MMP20: variants seen among roughly 807,000 people sequenced by gnomAD.
The protein encoded by MMP20 is matrix metalloproteinase-20.
In MMP20, 50 loss-of-function variants were observed where a neutral mutation model predicts 51.8. The ratio of observed to expected loss-of-function variants is 0.97; its 90% confidence interval spans 0.77 to 1.22. The LOEUF is 1.22. Among genes scored for constraint, MMP20 ranks in the 50% most tolerant of loss-of-function variants. MMP20 has a pLI of 0.00. For missense variants in MMP20, 663 were observed against 601.4 expected (o/e 1.10, Z -1.07); for synonymous variants, 244 against 216.2 (o/e 1.13, Z -1.13).
intron 8 of MMP20, among the ~76,000 whole-genome samples, chr11:102,582,346 A>G (rs892799819): frequency 1.3e-5 from 2 of 152,240 alleles, no homozygotes; most frequent in Non-Finnish European, 2.9e-5. Context: ...ATGCTTAAAG[A>G]GAATGCAAGA....
chr11:102,625,138 C>T (rs770172159), intron 1 of MMP20, 56 bp downstream of exon 1: 37 of 1,608,616 alleles, frequency 2.3e-5, no homozygotes, highest in Non-Finnish European at 3.0e-5. Flanking sequence ...TCACTATGCC[C>T]TTTTAGGTTT....
At chr11:102,609,660 G>A (rs554961481) in intron 4 of MMP20, among the ~76,000 whole-genome samples, 16 of 152,170 alleles carry the variant, frequency 1.1e-4, no homozygotes, top group East Asian at 1.9e-4. Flanking sequence ...AGAGCAGTGC[G>A]TTGAGAAGGG....
At chr11:102,610,862 C>A (rs1016189168) in intron 3 of MMP20, among the ~76,000 whole-genome samples, 1 of 151,888 alleles carries the variant, frequency 6.6e-6, no homozygotes, top group Non-Finnish European at 1.5e-5. Context: ...GGACTTCATG[C>A]AATGGCAGCA....
intron 6 of MMP20, among the ~76,000 whole-genome samples, chr11:102,597,437 G>A (rs1008156727): frequency 5.3e-5 from 8 of 152,294 alleles, no homozygotes; most frequent in African/African-American, 1.7e-4. Flanking sequence ...GTAGGATATC[G>A]TGAGGACTAA....
intron 4 of MMP20, among the ~76,000 whole-genome samples, chr11:102,609,411 T>C (rs1174293185): frequency 1.3e-5 from 2 of 152,240 alleles, no homozygotes; most frequent in Non-Finnish European, 2.9e-5. Context: ...TATTTGGCAA[T>C]AATTCATAAA....
chr11:102,596,382 C>G (rs1257923018), intron 6 of MMP20, among the ~76,000 whole-genome samples: 1 of 152,202 alleles, frequency 6.6e-6, no homozygotes, highest in Non-Finnish European at 1.5e-5. Context: ...TGCTGACCAG[C>G]CTCTCCAAGC....
At chr11:102,597,995 G>A (rs1248482637) in intron 6 of MMP20, among the ~76,000 whole-genome samples, 2 of 36,850 alleles carry the variant, frequency 5.4e-5, no homozygotes, top group Non-Finnish European at 1.5e-4. Flanking sequence ...TCGAACTCCC[G>A]ACCTCAGGTG....
At chr11:102,593,159 T>G (rs975650966) in intron 8 of MMP20, among the ~76,000 whole-genome samples, 64 of 152,334 alleles carry the variant, frequency 4.2e-4, no homozygotes, top group African/African-American at 1.5e-3. Flanking sequence ...TCTACGCTTT[T>G]AGGCCACTAG....
rs568304379 is a variant in MMP20 at position 102,604,422 on chromosome 11, G to T, written c.953+2113C>A. 6.6e-4 allele frequency among the ~76,000 whole-genome samples: 101 copies of T among 152,274 alleles called. 2 individuals carry two copies. The highest frequency in any genetic ancestry group is 2.4e-3 in the African/African-American group (100 of 41,560). On this transcript the variant is annotated intron_variant, in intron 6 of 9. Coordinates refer to ENST00000260228, the MANE Select transcript of MMP20 (RefSeq NM_004771.4). The stretch of plus-strand genomic sequence containing the variant: ...TCATCAGAAAATTAATAACACAAAA[G>T]AATAAATTGGGTTCTCTAAATACCT...
Position 102,616,824 on chromosome 11 carries a change from G to A in MMP20, c.362C>T (p.Thr121Ile), listed in dbSNP as rs1192009885. Residue 121 changes from threonine (T) to isoleucine (I), a missense_variant, in exon 2 of 10, where the codon ACT becomes ATT. Transcript: ENST00000260228. ...FPGEPKWKKN[T>I]LTYRISKYTP... is the part of the protein sequence containing the mutation. ...TTGATCTCATTACCTGTATGTCAAAGTATTTTTTTTCCATTTGGGTTCACC... is the reference window on the plus strand; with the variant it reads ...TTGATCTCATTACCTGTATGTCAAAATATTTTTTTTCCATTTGGGTTCACC... 1.2e-6 allele frequency: 2 copies of A among 1,614,152 alleles called. No homozygotes were observed. Among genetic ancestry groups the A allele is most frequent in the Non-Finnish European group, 8.5e-7 (1 of 1,180,006 alleles).
At chr11:102,598,535 A>T (rs1011532200) in intron 6 of MMP20, among the ~76,000 whole-genome samples, 10 of 152,146 alleles carry the variant, frequency 6.6e-5, no homozygotes, top group African/African-American at 2.4e-4. Context: ...TGCCAGAGAG[A>T]TGATTGGAAC....
intron 2 of MMP20, among the ~76,000 whole-genome samples, chr11:102,615,952 T>A (rs1412312819): frequency 6.6e-6 from 1 of 152,098 alleles, no homozygotes; most frequent in Non-Finnish European, 1.5e-5. Flanking sequence ...AGTTTGCCCT[T>A]GGTTGGACCA....
chr11:102,615,646 C>T (rs1040626696), intron 2 of MMP20, among the ~76,000 whole-genome samples: 1 of 152,194 alleles, frequency 6.6e-6, no homozygotes. Context: ...TCAGGCTGCC[C>T]CTCCAGCTCA....
At position 102,616,897 on chromosome 11, in the gene MMP20, T is replaced by G. The variant is rs367552668; in HGVS notation, c.289A>C (p.Lys97Gln). The G allele has an allele frequency of 6.2e-7, 1 of 1,614,078 alleles. No homozygotes were observed. Among genetic ancestry groups the G allele is most frequent in the African/African-American group, 1.3e-5 (1 of 74,926 alleles). Residue 97 changes from lysine to glutamine, a missense_variant, in exon 2 of 10, where the codon AAG (lysine) becomes CAG (glutamine). By Grantham distance (53) the Lys-to-Gln change is moderately conservative. Coordinates refer to ENST00000260228, the MANE Select transcript of MMP20 (RefSeq NM_004771.4). ...ACATCAGGAACTCCACAGCGAGGCT[T>G]CTTGATCACGTTCATTGTGGTCTGG... ...LDQTTMNVIK[K>Q]PRCGVPDVAN...
At chr11:102,587,658 A>C (rs1859270025) in intron 8 of MMP20, among the ~76,000 whole-genome samples, 1 of 152,114 alleles carries the variant, frequency 6.6e-6, no homozygotes, top group Admixed American at 6.5e-5. Flanking sequence ...TTATAATTAC[A>C]TCTTCATGGT....
At chr11:102,589,951 G>A (rs888106328) in intron 8 of MMP20, among the ~76,000 whole-genome samples, 2 of 152,116 alleles carry the variant, frequency 1.3e-5, no homozygotes, top group African/African-American at 4.8e-5. Context: ...TGTGGAAGAC[G>A]TATTCTACTT....
intron 6 of MMP20, among the ~76,000 whole-genome samples, chr11:102,598,455 T>C (rs1224744520): frequency 6.6e-6 from 1 of 152,262 alleles, no homozygotes; most frequent in Non-Finnish European, 1.5e-5. Flanking sequence ...TATCTTCATG[T>C]ACCCACTATC....
intron 4 of MMP20, 41 bp downstream of exon 4, chr11:102,609,864 G>T (rs1859573067): frequency 1.9e-6 from 3 of 1,613,512 alleles, no homozygotes; most frequent in Non-Finnish European, 2.5e-6. Flanking sequence ...CCAGAAGAAG[G>T]TACAATATTT....
intron 8 of MMP20, among the ~76,000 whole-genome samples, chr11:102,579,856 TTTA>T (rs1859173359): frequency 6.6e-6 from 1 of 152,244 alleles, no homozygotes; most frequent in Non-Finnish European, 1.5e-5. Flanking sequence ...TATTGCCTTA[TTTA>T]TTGTTGTAAT....
Sources: gnomAD v4.1 joint callset for allele counts (sites outside exome capture counted in the v4.1 genomes callset) on GRCh38, gnomAD v4.1.1 for gene constraint, MANE v1.5 for transcripts, NCBI Gene and HGNC (gene_info 2026-07-23, HGNC 2026-07-21) for gene names.